Variants in COL11A1 observed in about 807,000 individuals in gnomAD.
COL11A1 encodes the protein collagen alpha-1(XI) chain.
Under a neutral mutation model 265.2 loss-of-function variants are expected in COL11A1, and 74 were observed. The observed-to-expected ratio is 0.28, with a 90% CI of 0.23 to 0.34. The LOEUF is 0.34. COL11A1 is among the 10% of genes least tolerant of loss of function. The pLI is 1.00. For synonymous variants in COL11A1, 816 were observed against 727.6 expected, an observed-to-expected ratio of 1.12 and a Z score of -1.96; for missense variants, 2,165 against 2,263.6, an observed-to-expected ratio of 0.96 and a Z score of 0.88.
At chr1:102,913,569 C>T (rs111717926) in intron 53 of COL11A1, 68 bp downstream of exon 53, 3 of 1,410,866 alleles carry the variant, frequency 2.1e-6, no homozygotes, top group Non-Finnish European at 3.0e-6. Flanking sequence ...CTGATTACTT[C>T]TAATTATCTC....
Position 103,108,101 on chromosome 1 carries a change from G to T in COL11A1, c.78C>A (p.Phe26Leu). The change falls in exon 1 of 67, where the codon TTC becomes TTA. Residue 26 changes from phenylalanine to leucine, a missense_variant. By Grantham distance (22) the Phe-to-Leu change is conservative (BLOSUM62 0). Transcript: ENST00000370096. ...DFTVTTLALT[F>L]LFQAREVRGA... ...CTCTGACCTCTCTAGCTTGGAAGAGGAAGGTCAATGCGAGGGTTGTTACGG... is the reference window on the plus strand; with the variant it reads ...CTCTGACCTCTCTAGCTTGGAAGAGTAAGGTCAATGCGAGGGTTGTTACGG... The T allele has an allele frequency of 6.2e-7, 1 of 1,613,820 alleles. No homozygotes were observed. The highest frequency in any genetic ancestry group is 8.5e-7 in the Non-Finnish European group (1 of 1,179,978).
chr1:103,007,804 G>A (rs1557937577), intron 15 of COL11A1, among the ~76,000 whole-genome samples: 1 of 145,624 alleles, frequency 6.9e-6, no homozygotes, highest in Non-Finnish European at 1.5e-5. Context: ...AGGTTGCAGT[G>A]AGCCAAGATT....
intron 4 of COL11A1, among the ~76,000 whole-genome samples, chr1:103,057,382 G>A (rs912358713): frequency 1.3e-5 from 2 of 152,082 alleles, no homozygotes; most frequent in African/African-American, 2.4e-5. Context: ...TATTTCTGCC[G>A]CATCGGCATT....
Position 102,921,655 on chromosome 1 carries a change from A to C in COL11A1, c.3655-84T>G, listed in dbSNP as rs558980388. Reference sequence around the variant, plus strand: ...TTCATTTTATGACTGAAAAATCTAAAAGAAGTTTAAGCTTGTAAAAACTAT... The same window carrying C: ...TTCATTTTATGACTGAAAAATCTAACAGAAGTTTAAGCTTGTAAAAACTAT... On this transcript the variant is annotated intron_variant, in intron 47 of 66. Transcript: ENST00000370096. The C allele has an allele frequency of 6.8e-6, 8 of 1,179,876 alleles. No homozygotes were observed. In the Admixed American group the frequency reaches 1.4e-4, roughly 20 times the overall value. The allele number at this position is 1,179,876 out of a possible 1,614,324, so 73.1% of individuals were successfully genotyped here. A position where few individuals can be genotyped will look rare whatever the true frequency, so the allele number is the denominator to read the frequency against.
intron 30 of COL11A1, among the ~76,000 whole-genome samples, chr1:102,985,711 T>C (rs1663472698): frequency 6.6e-6 from 1 of 152,028 alleles, no homozygotes; most frequent in African/African-American, 2.4e-5. Context: ...AACTGTGGGG[T>C]AGTTTAAGCT....
intron 37 of COL11A1, 123 bp from the exon 38 acceptor site, chr1:102,965,663 T>A: frequency 1.3e-6 from 1 of 744,532 alleles, no homozygotes; most frequent in Admixed American, 2.4e-5. Flanking sequence ...AATATTTATT[T>A]TCAAATGCTT....
At chr1:102,896,508 A>G (rs2100906764) in intron 57 of COL11A1, among the ~76,000 whole-genome samples, 1 of 152,294 alleles carries the variant, frequency 6.6e-6, no homozygotes, top group East Asian at 1.9e-4. Context: ...AGACTAATTA[A>G]AGCTATGAAA....
intron 12 of COL11A1, among the ~76,000 whole-genome samples, chr1:103,015,208 A>G (rs1478103779): frequency 6.6e-6 from 1 of 152,054 alleles, no homozygotes. Context: ...TAAATAAAAT[A>G]TGCATTTTTT....
At chr1:102,926,275 ATT>A (rs968440529) in intron 46 of COL11A1, among the ~76,000 whole-genome samples, 60 of 152,182 alleles carry the variant, frequency 3.9e-4, no homozygotes, top group African/African-American at 1.4e-3. Flanking sequence ...GCGTGGAGAG[ATT>A]CTGTTTTAAG....
At chr1:103,026,433 A>G in intron 5 of COL11A1, 101 bp from the exon 6 acceptor site, 1 of 803,256 alleles carries the variant, frequency 1.2e-6, no homozygotes, top group Non-Finnish European at 2.2e-6. Flanking sequence ...AAATGTTAAG[A>G]GATAAGAAAT....
In COL11A1 at chr1:103,081,141, A is replaced by G. The variant is rs538032194; in HGVS notation, c.274+1664T>C. On this transcript the variant is annotated intron_variant, in intron 2 of 66. Transcript: ENST00000370096. ...AAAGCAGTCAGATAATGTTGATTAT[A>G]TGGCTCTTATCACTTAAATATATAG... Among the ~76,000 whole-genome samples, 28 of 152,012 alleles carry G rather than the reference A, an allele frequency of 1.8e-4. No homozygotes were observed. The South Asian group carries it at 4.8e-3, about 26-fold the overall frequency.
At chr1:103,082,602 GTTA>G (rs1672500534) in intron 2 of COL11A1, among the ~76,000 whole-genome samples, 200 bp downstream of exon 2, 1 of 151,640 alleles carries the variant, frequency 6.6e-6, no homozygotes. Context: ...CAAATTTTTT[GTTA>G]TTTTCATTAC....
chr1:102,975,113 G>A (rs1164021824), intron 35 of COL11A1, among the ~76,000 whole-genome samples: 1 of 151,894 alleles, frequency 6.6e-6, no homozygotes, highest in Non-Finnish European at 1.5e-5. Context: ...TGTTACCTCA[G>A]GAACACTGTA....
chr1:103,028,439 C>A (rs1280713934), intron 5 of COL11A1, among the ~76,000 whole-genome samples: 3 of 152,036 alleles, frequency 2.0e-5, no homozygotes, highest in Non-Finnish European at 4.4e-5. Context: ...TTAGTATATT[C>A]GCAATATATA....
In COL11A1 at chr1:103,103,051, G is replaced by A. The variant is rs114476559; in HGVS notation, c.106+5022C>T. ...TCCTATACATTAACTGCCCATTTAT[G>A]CCTAAGCTAACAGATACTTATGTAA... On this transcript the variant is annotated intron_variant, in intron 1 of 66. Coordinates refer to ENST00000370096, the MANE Select transcript of COL11A1 (RefSeq NM_001854.4). Among the ~76,000 whole-genome samples, 1,066 of 152,032 alleles carry A rather than the reference G, an allele frequency of 7.0e-3. 13 individuals are homozygous for A. Among genetic ancestry groups the A allele is most frequent in the African/African-American group, 0.024 (1,012 of 41,506 alleles).
chr1:102,947,843 C>A (rs902042011), intron 41 of COL11A1, among the ~76,000 whole-genome samples: 1 of 151,600 alleles, frequency 6.6e-6, no homozygotes, highest in African/African-American at 2.4e-5. Flanking sequence ...ATTTTAGTTA[C>A]TAAAAGATAA....
At chr1:102,943,135 C>CATA (rs1340624842) in intron 42 of COL11A1, among the ~76,000 whole-genome samples, 2 of 151,932 alleles carry the variant, frequency 1.3e-5, no homozygotes, top group Non-Finnish European at 2.9e-5. Context: ...ATATGCACCA[C>CATA]ATAATAATAA....
chr1:102,899,226 A>T (rs946767466), intron 54 of COL11A1, among the ~76,000 whole-genome samples: 3 of 152,120 alleles, frequency 2.0e-5, no homozygotes. Context: ...ACTTCACATC[A>T]ATATAAGAAA....
intron 62 of COL11A1, 121 bp from the exon 63 acceptor site, chr1:102,887,177 A>G: frequency 8.2e-7 from 1 of 1,219,172 alleles, no homozygotes; most frequent in Non-Finnish European, 1.2e-6. Flanking sequence ...TTCATTAGCT[A>G]CAAAATTTAT....
Sources: gnomAD v4.1 joint callset for allele counts (sites outside exome capture counted in the v4.1 genomes callset) on GRCh38, gnomAD v4.1.1 for gene constraint, MANE v1.5 for transcripts, NCBI Gene and HGNC (gene_info 2026-07-23, HGNC 2026-07-21) for gene names.